The following ZBTB38 variants were observed in gnomAD, a reference collection of about 807,000 sequenced individuals.
ZBTB38 encodes the protein zinc finger and BTB domain containing 38, also known as zinc finger and BTB domain-containing protein 38.
A neutral mutation model predicts 76.8 loss-of-function variants in ZBTB38; 20 were observed. The observed-to-expected ratio is 0.26, with a 90% CI of 0.18 to 0.38. The LOEUF is 0.38. Ranked by LOEUF, ZBTB38 falls within the 10% of genes least tolerant of loss-of-function variation. The pLI is 1.00. For missense variants in ZBTB38, 1,082 were observed against 1,482.3 expected (o/e 0.73, Z 4.43); for synonymous variants, 504 against 544.2 (o/e 0.93, Z 1.03).
intron 5 of ZBTB38, among the ~76,000 whole-genome samples, chr3:141,421,327 A>G (rs904524995): frequency 1.7e-5 from 2 of 114,646 alleles, no homozygotes; most frequent in African/African-American, 3.5e-5. Flanking sequence ...GGGTCTTGCT[A>G]TGTTGGCCAG....
chr3:141,340,958 G>GAAAAGAAAAGAAAAGAAAAGA (rs759769152), intron 1 of ZBTB38, among the ~76,000 whole-genome samples: 20 of 62,394 alleles, frequency 3.2e-4, no homozygotes, highest in South Asian at 2.1e-3. Flanking sequence ...AGGAAAGAAA[G>GAAAAGAAAAGAAAAGAAAAGA]AAAGAAAGAA....
chr3:141,347,665 A>G (rs1422113113), intron 1 of ZBTB38, among the ~76,000 whole-genome samples: 1 of 152,240 alleles, frequency 6.6e-6, no homozygotes, highest in Non-Finnish European at 1.5e-5. Flanking sequence ...GGAGGAAGGA[A>G]AAGACCAGGG....
At chr3:141,369,317 C>A (rs576404048) in intron 1 of ZBTB38, among the ~76,000 whole-genome samples, 24 of 152,190 alleles carry the variant, frequency 1.6e-4, no homozygotes, top group Admixed American at 3.3e-4. Context: ...TTACTGAGCA[C>A]GTTTCTGATT....
intron 1 of ZBTB38, among the ~76,000 whole-genome samples, chr3:141,357,482 T>C (rs1559919004): frequency 6.6e-6 from 1 of 152,200 alleles, no homozygotes; most frequent in Non-Finnish European, 1.5e-5. Context: ...TTTTTCCATT[T>C]GGTATTTTTG....
At chr3:141,376,856 C>T (rs959839749) in intron 2 of ZBTB38, among the ~76,000 whole-genome samples, 6 of 152,182 alleles carry the variant, frequency 3.9e-5, no homozygotes, top group Non-Finnish European at 7.4e-5. Context: ...TCACAGAGTA[C>T]AAAGTTCAAG....
chr3:141,339,999 A>G (rs936849510), intron 1 of ZBTB38, among the ~76,000 whole-genome samples: 1 of 152,250 alleles, frequency 6.6e-6, no homozygotes. Flanking sequence ...ACCAGCAAGC[A>G]AGGCAGACAC....
In ZBTB38 at chr3:141,446,647, T is replaced by C. The variant is rs181423425; in HGVS notation, c.*671T>C. ...CCCTGTAGAGAATTATGAGGAGCAA[T>C]AGATCTGCAAATAATGAGGACTGAT... On this transcript the variant is annotated 3_prime_UTR_variant, in exon 6 of 6. Transcript: ENST00000321464. The C allele has an allele frequency of 4.8e-4, 74 of 152,744 alleles. No homozygotes were observed. Among genetic ancestry groups the C allele is most frequent in the African/African-American group, 1.7e-3 (70 of 41,552 alleles). The allele number at this position is 152,744 out of a possible 1,614,324, so 9.5% of individuals were successfully genotyped here. A position where few individuals can be genotyped will look rare whatever the true frequency, so the allele number is the denominator to read the frequency against.
At chr3:141,349,532 A>T (rs547340771) in intron 1 of ZBTB38, among the ~76,000 whole-genome samples, 1 of 152,274 alleles carries the variant, frequency 6.6e-6, no homozygotes, top group South Asian at 2.1e-4. Flanking sequence ...ATTAAAGACA[A>T]CTGAGGATGA....
At chr3:141,399,277 A>G (rs1301751716) in intron 4 of ZBTB38, among the ~76,000 whole-genome samples, 1 of 151,754 alleles carries the variant, frequency 6.6e-6, no homozygotes, top group Non-Finnish European at 1.5e-5. Context: ...CCACCTCCCA[A>G]CCCCATTTAG....
chr3:141,372,526 C>G (rs1944778195), intron 2 of ZBTB38, among the ~76,000 whole-genome samples: 1 of 151,848 alleles, frequency 6.6e-6, no homozygotes, highest in Admixed American at 6.6e-5. Context: ...GTGGCGCACA[C>G]CTATAATCCC....
intron 3 of ZBTB38, among the ~76,000 whole-genome samples, chr3:141,382,653 G>A (rs1053269753): frequency 1.3e-5 from 2 of 152,182 alleles, no homozygotes; most frequent in East Asian, 3.9e-4. Context: ...TATTTACTCT[G>A]CTTTCTACAC....
chr3:141,337,314 A>G (rs925991911), intron 1 of ZBTB38, among the ~76,000 whole-genome samples: 1 of 152,250 alleles, frequency 6.6e-6, no homozygotes, highest in African/African-American at 2.4e-5. Flanking sequence ...GCCGAGTAAT[A>G]TGTAATGACT....
chr3:141,357,334 G>T (rs1281397067), intron 1 of ZBTB38, among the ~76,000 whole-genome samples: 2 of 151,784 alleles, frequency 1.3e-5, no homozygotes, highest in African/African-American at 4.8e-5. Context: ...TATGTCATTT[G>T]TCTTTCAACA....
intron 5 of ZBTB38, among the ~76,000 whole-genome samples, chr3:141,420,120 G>A (rs747470945): frequency 3.3e-5 from 5 of 152,164 alleles, no homozygotes; most frequent in Non-Finnish European, 5.9e-5. Context: ...TGTTCTGCTG[G>A]GTAAGCGGAT....
chr3:141,390,967 C>T (rs1013193354), intron 4 of ZBTB38, among the ~76,000 whole-genome samples: 1 of 151,970 alleles, frequency 6.6e-6, no homozygotes, highest in Non-Finnish European at 1.5e-5. Flanking sequence ...CCAGCCTGGG[C>T]AACATAGCAA....
intron 1 of ZBTB38, among the ~76,000 whole-genome samples, chr3:141,333,962 A>G (rs1942930637): frequency 6.6e-6 from 1 of 152,174 alleles, no homozygotes; most frequent in South Asian, 2.1e-4. Flanking sequence ...TTTCATAAAC[A>G]GTGTGGTTGC....
intron 1 of ZBTB38, among the ~76,000 whole-genome samples, chr3:141,334,097 A>G (rs950067704): frequency 1.3e-5 from 2 of 152,150 alleles, no homozygotes; most frequent in Non-Finnish European, 2.9e-5. Context: ...CAGGAAGCCT[A>G]ATATAGCCAT....
In ZBTB38 at chr3:141,442,899, A is replaced by G. The variant is rs1195128536; in HGVS notation, c.511A>G (p.Ile171Val). The G allele has an allele frequency of 6.2e-7, 1 of 1,614,260 alleles. No individual in the cohort carries two copies. Among genetic ancestry groups the G allele is most frequent in the South Asian group, 1.1e-5 (1 of 91,082 alleles). ...AAGGATCACAAATGCATTTTCCATC[A>G]TCGAAACAGAAAATAGTAATAACAT... Reference protein sequence around the residue: ...GPRITNAFSIIETENSNNMFS... With the variant: ...GPRITNAFSIVETENSNNMFS... Residue 171 changes from isoleucine to valine, a missense_variant, in exon 6 of 6, where the codon ATC (isoleucine) becomes GTC (valine). This residue lies in a region of ZBTB38 where 324 missense variants were observed against 359.1 expected (regional missense o/e 0.90). Coordinates refer to ENST00000321464, the MANE Select transcript of ZBTB38 (RefSeq NM_001376113.1). This position sits in a 1 kb window ranked among gnomAD's most constrained non-coding sequence, Gnocchi z 6.4.
chr3:141,419,032 G>T (rs1559948113), intron 5 of ZBTB38, among the ~76,000 whole-genome samples: 2 of 152,204 alleles, frequency 1.3e-5, no homozygotes, highest in African/African-American at 4.8e-5. Flanking sequence ...AGCTACCTGA[G>T]ACGGTAATTT....
Sources: allele counts gnomAD v4.1 joint callset (sites outside exome capture counted in the v4.1 genomes callset), GRCh38; gene constraint gnomAD v4.1.1; regional missense constraint gnomAD v4.1.1; non-coding constraint Gnocchi (gnomAD v3.1); transcripts MANE v1.5; gene names NCBI Gene and HGNC (gene_info 2026-07-23, HGNC 2026-07-21).